Variants in KIRREL3 observed in about 807,000 individuals in gnomAD.
KIRREL3 encodes the protein kirre like nephrin family adhesion molecule 3, also known as kin of IRRE-like protein 3.
Under a neutral mutation model 89.7 loss-of-function variants are expected in KIRREL3, and 36 were observed. The observed-to-expected ratio is 0.40, with a 90% CI of 0.31 to 0.53. The LOEUF is 0.53. Ranked by LOEUF, KIRREL3 falls within the 20% of genes least tolerant of loss-of-function variation. The pLI, the probability that KIRREL3 is intolerant of heterozygous loss-of-function variation, is 0.49. For missense variants in KIRREL3, 864 were observed against 1,056.6 expected (o/e 0.82, Z 2.53); for synonymous variants, 445 against 441.4 (o/e 1.01, Z -0.10).
At chr11:126,536,475 A>G (rs1937886928) in intron 2 of KIRREL3, among the ~76,000 whole-genome samples, 1 of 152,036 alleles carries the variant, frequency 6.6e-6, no homozygotes. Context: ...GTGGTTCCAC[A>G]GTGGTGGTGA....
chr11:126,756,820 T>A (rs1245382292), intron 1 of KIRREL3, among the ~76,000 whole-genome samples: 1 of 152,224 alleles, frequency 6.6e-6, no homozygotes, highest in African/African-American at 2.4e-5. Flanking sequence ...TTGCAGTATA[T>A]CCCTGCGTCC....
intron 1 of KIRREL3, among the ~76,000 whole-genome samples, chr11:126,966,538 A>G (rs149287208): frequency 4.3e-4 from 66 of 152,322 alleles, no homozygotes; most frequent in Middle Eastern, 3.4e-3. Context: ...TTTAGGCCGC[A>G]GAACCGTGGT....
At position 126,635,412 on chromosome 11, in the gene KIRREL3, C is replaced by T. The variant is rs1944224833; in HGVS notation, c.56-72500G>A. Among the ~76,000 whole-genome samples, 1 of 152,214 alleles carries T rather than the reference C, an allele frequency of 6.6e-6. No homozygotes were observed. Among genetic ancestry groups the T allele is most frequent in the Admixed American group, 6.5e-5 (1 of 15,280 alleles). Reference sequence around the variant, plus strand: ...TTATGGATTGGAGGGAGCAGAGAAGCTTCCTCATTAAAAGGGCTGGGCTGG... The same window carrying T: ...TTATGGATTGGAGGGAGCAGAGAAGTTTCCTCATTAAAAGGGCTGGGCTGG... On this transcript the variant is annotated intron_variant, in intron 1 of 16. Transcript: ENST00000525144. This position sits in a 1 kb window ranked among gnomAD's most constrained non-coding sequence, Gnocchi z 4.0.
At chr11:126,532,991 G>A (rs1958990162) in intron 2 of KIRREL3, among the ~76,000 whole-genome samples, 1 of 151,746 alleles carries the variant, frequency 6.6e-6, no homozygotes, top group Admixed American at 6.6e-5. Context: ...ACTTTTTGTA[G>A]GGACAGGGTC....
intron 1 of KIRREL3, among the ~76,000 whole-genome samples, chr11:126,699,863 T>C (rs1435319597): frequency 3.9e-5 from 6 of 152,174 alleles, no homozygotes; most frequent in Non-Finnish European, 7.3e-5. Context: ...CTTAGCAATT[T>C]TGTGAGATGA....
At chr11:126,757,089 T>A (rs1381440080) in intron 1 of KIRREL3, among the ~76,000 whole-genome samples, 1 of 152,166 alleles carries the variant, frequency 6.6e-6, no homozygotes, top group Admixed American at 6.5e-5. Flanking sequence ...CAATCAAGCA[T>A]AAAGTTCTGG....
At position 126,931,488 on chromosome 11, in the gene KIRREL3, AT is replaced by A. The variant is rs996297757; in HGVS notation, c.55+68966del. On this transcript the variant is annotated intron_variant, in intron 1 of 16. Transcript: ENST00000525144. The surrounding 1 kb of genome is among the most constrained non-coding windows in gnomAD (Gnocchi z 5.1). ...TTATTGTCTTCCAGGAACCCATAGC[AT>A]TGTGGCATCCAGACTTTGAGACAAT... Among the ~76,000 whole-genome samples, 3 of 152,142 alleles carry A rather than the reference AT, an allele frequency of 2.0e-5. No individual in the cohort carries two copies. The highest frequency in any genetic ancestry group is 4.4e-5 in the Non-Finnish European group (3 of 68,040).
In KIRREL3 at chr11:126,551,517, C is replaced by T. The variant is rs1350262237; in HGVS notation, c.133+11318G>A. Among the ~76,000 whole-genome samples, 6 of 152,172 alleles carry T rather than the reference C, an allele frequency of 3.9e-5. No individual in the cohort carries two copies. Among genetic ancestry groups the T allele is most frequent in the Non-Finnish European group, 8.8e-5 (6 of 68,022 alleles). On this transcript the variant is annotated intron_variant, in intron 2 of 16. Coordinates refer to ENST00000525144, the MANE Select transcript of KIRREL3 (RefSeq NM_032531.4). The surrounding 1 kb of genome is among the most constrained non-coding windows in gnomAD (Gnocchi z 4.9). Reference sequence around the variant, plus strand: ...ATAGAAACATGTCTAGATACATCATCACGCCTCAGGCCATGCCCTGACTTT... The same window carrying T: ...ATAGAAACATGTCTAGATACATCATTACGCCTCAGGCCATGCCCTGACTTT...
At chr11:126,733,963 C>T (rs929388185) in intron 1 of KIRREL3, among the ~76,000 whole-genome samples, 1 of 152,198 alleles carries the variant, frequency 6.6e-6, no homozygotes, top group African/African-American at 2.4e-5. Flanking sequence ...GCTGCAGGCA[C>T]AGAGTGACAG....
In KIRREL3 at chr11:126,447,137, C is replaced by T. The variant is rs73629353; in HGVS notation, c.998-251G>A. Among the ~76,000 whole-genome samples, 358 of 152,118 alleles carry T rather than the reference C, an allele frequency of 2.4e-3. 3 individuals carry two copies. The highest frequency in any genetic ancestry group is 8.4e-3 in the African/African-American group (349 of 41,514). On this transcript the variant is annotated intron_variant, in intron 8 of 16. Coordinates refer to ENST00000525144, the MANE Select transcript of KIRREL3 (RefSeq NM_032531.4). ...CCTCTCTTGGGCCCATGGAGGTGGT[C>T]GGCAGCGTGGGGCCTGGGAAGAAGG...
Position 126,904,533 on chromosome 11 carries a change from C to T in KIRREL3, c.55+95922G>A, listed in dbSNP as rs1196607314. The stretch of plus-strand genomic sequence containing the variant: ...CATTCCTAATAACATTTCCTTAAAA[C>T]TTCTTAGCCACACTTCTTAGCTCAG... On this transcript the variant is annotated intron_variant, in intron 1 of 16. Coordinates refer to ENST00000525144, the MANE Select transcript of KIRREL3 (RefSeq NM_032531.4). The surrounding 1 kb of genome is among the most constrained non-coding windows in gnomAD (Gnocchi z 4.4). 6.6e-6 allele frequency among the ~76,000 whole-genome samples: 1 copy of T among 152,212 alleles called. No individual in the cohort carries two copies.
chr11:126,863,536 CGTGTGAGTGTGTGAGTGCAT>C (rs1565363391), intron 1 of KIRREL3, among the ~76,000 whole-genome samples: 3 of 110,398 alleles, frequency 2.7e-5, no homozygotes, highest in African/African-American at 1.1e-4. Context: ...TGTGTGAGTG[CGTGTGAGTGTGTGAGTGCAT>C]GTGTGAGTGT....
At position 126,684,052 on chromosome 11, in the gene KIRREL3, C is replaced by T. The variant is rs1302089037; in HGVS notation, c.56-121140G>A. Among the ~76,000 whole-genome samples the T allele has an allele frequency of 2.6e-5, 4 of 152,234 alleles. No individual in the cohort carries two copies. Among genetic ancestry groups the T allele is most frequent in the Non-Finnish European group, 5.9e-5 (4 of 68,048 alleles). On this transcript the variant is annotated intron_variant, in intron 1 of 16. Transcript: ENST00000525144. The surrounding 1 kb of genome is among the most constrained non-coding windows in gnomAD (Gnocchi z 4.2). Reference sequence around the variant, plus strand: ...CGAAGGCAGCTTAGCATGGCACTGTCTGATCTGCTGACAGCCGCGACCCTG... The same window carrying T: ...CGAAGGCAGCTTAGCATGGCACTGTTTGATCTGCTGACAGCCGCGACCCTG...
rs1443535296 is a variant in KIRREL3, at chr11:126,705,393, C to T, written c.56-142481G>A. Among the ~76,000 whole-genome samples the T allele has an allele frequency of 6.6e-6, 1 of 152,102 alleles. No homozygotes were observed. Among genetic ancestry groups the T allele is most frequent in the Admixed American group, 6.5e-5 (1 of 15,268 alleles). On this transcript the variant is annotated intron_variant, in intron 1 of 16. Coordinates refer to ENST00000525144, the MANE Select transcript of KIRREL3 (RefSeq NM_032531.4). The surrounding 1 kb of genome is among the most constrained non-coding windows in gnomAD (Gnocchi z 4.3). ...TAAGTGAGTTGTTGATCAGTTTGTTCACATGAGATCTGGTTGTTTAAAAGT... is the reference window on the plus strand; with the variant it reads ...TAAGTGAGTTGTTGATCAGTTTGTTTACATGAGATCTGGTTGTTTAAAAGT...
rs522715 is a variant in KIRREL3 at position 126,993,061 on chromosome 11, G to T, written c.55+7394C>A. Among the ~76,000 whole-genome samples, 24,331 of 152,076 alleles carry T rather than the reference G, an allele frequency of 0.16. 2,287 individuals are homozygous for T. Among genetic ancestry groups the T allele is most frequent in the Middle Eastern group, 0.28 (82 of 294 alleles). ...ACTTCATCCATCAGCTAGAAAGAACGATTAAAAAGTATATTTCCATTCAAT... is the reference window on the plus strand; with the variant it reads ...ACTTCATCCATCAGCTAGAAAGAACTATTAAAAAGTATATTTCCATTCAAT... On this transcript the variant is annotated intron_variant, in intron 1 of 16. Coordinates refer to ENST00000525144, the MANE Select transcript of KIRREL3 (RefSeq NM_032531.4). The surrounding 1 kb of genome is among the most constrained non-coding windows in gnomAD (Gnocchi z 6.1).
At chr11:126,968,866 C>G (rs916116192) in intron 1 of KIRREL3, among the ~76,000 whole-genome samples, 7 of 152,118 alleles carry the variant, frequency 4.6e-5, no homozygotes, top group Non-Finnish European at 1.0e-4. Context: ...AACTAGCTTA[C>G]TGTGTGACTC....
chr11:126,755,799 C>T lies in KIRREL3; in HGVS notation c.56-192887G>A, dbSNP rs912016478. On this transcript the variant is annotated intron_variant, in intron 1 of 16. Coordinates refer to ENST00000525144, the MANE Select transcript of KIRREL3 (RefSeq NM_032531.4). This position sits in a 1 kb window ranked among gnomAD's most constrained non-coding sequence, Gnocchi z 4.3. ...CACCCCCTCACCACTACCCTGAATG[C>T]GTGCTCGCCATCTGCCATTCAGGCA... Among the ~76,000 whole-genome samples, 4 of 150,914 alleles carry T rather than the reference C, an allele frequency of 2.7e-5. No homozygotes were observed. The highest frequency in any genetic ancestry group is 4.9e-5 in the African/African-American group (2 of 40,958).
chr11:126,920,246 A>T (rs1444954738), intron 1 of KIRREL3: 2 of 152,504 alleles, frequency 1.3e-5, no homozygotes, highest in Admixed American at 6.5e-5. Context: ...ATGCTCTCCC[A>T]TGGCTGACTC....
chr11:126,983,573 GT>G lies in KIRREL3; in HGVS notation c.55+16881del, dbSNP rs1949772105. 6.6e-6 allele frequency among the ~76,000 whole-genome samples: 1 copy of G among 152,174 alleles called. No individual in the cohort carries two copies. On this transcript the variant is annotated intron_variant, in intron 1 of 16. Transcript: ENST00000525144. The surrounding 1 kb of genome is among the most constrained non-coding windows in gnomAD (Gnocchi z 4.9). The stretch of plus-strand genomic sequence containing the variant: ...TGGATCAGAGTCAGTAGTAGGTGAG[GT>G]GAAGATGGAAGCAAGAGGTTGGAGT...
Sources: gnomAD v4.1 joint callset for allele counts (sites outside exome capture counted in the v4.1 genomes callset) on GRCh38, gnomAD v4.1.1 for gene constraint, Gnocchi (gnomAD v3.1) non-coding constraint, MANE v1.5 for transcripts, NCBI Gene and HGNC (gene_info 2026-07-23, HGNC 2026-07-21) for gene names.